Variants in ARHGEF4 observed in about 807,000 individuals in gnomAD.
ARHGEF4 encodes APC-stimulated guanine nucleotide exchange factor 1.
In ARHGEF4, 119 loss-of-function variants were observed where a neutral mutation model predicts 162.0. The observed-to-expected ratio is 0.73, with a 90% CI of 0.63 to 0.86. The LOEUF (loss-of-function observed/expected upper bound fraction) is 0.86, where lower values mean the gene tolerates loss of function less well. ARHGEF4 is among the 40% of genes least tolerant of loss of function. ARHGEF4 has a pLI of 0.00. For synonymous variants in ARHGEF4, 1,014 were observed against 979.9 expected (o/e 1.03, Z -0.65); for missense variants, 2,488 against 2,456.0 (o/e 1.01, Z -0.28).
intron 1 of ARHGEF4, among the ~76,000 whole-genome samples, chr2:130,892,838 C>T (rs984401198): frequency 1.3e-5 from 2 of 152,180 alleles, no homozygotes; most frequent in Non-Finnish European, 2.9e-5. Context: ...ATTCAGGGTG[C>T]AGCTTGGGGC....
intron 1 of ARHGEF4, among the ~76,000 whole-genome samples, chr2:130,897,789 G>A: frequency 6.6e-6 from 1 of 152,176 alleles, no homozygotes; most frequent in East Asian, 1.9e-4. Flanking sequence ...GACTCTTCCA[G>A]AAAAGTCTTT....
chr2:131,035,180 C>T, intron 5 of ARHGEF4: 2 of 1,221,278 alleles, frequency 1.6e-6, no homozygotes, highest in Non-Finnish European at 2.0e-6. Flanking sequence ...CCCCCCGGCG[C>T]CCAGCGCGTG....
chr2:130,891,886 G>A (rs182945095), intron 1 of ARHGEF4, among the ~76,000 whole-genome samples: 104 of 152,286 alleles, frequency 6.8e-4, no homozygotes, highest in African/African-American at 2.2e-3. Flanking sequence ...AGCAGCCATC[G>A]ATAATACACA....
intron 1 of ARHGEF4, among the ~76,000 whole-genome samples, chr2:130,900,597 G>A (rs947619744): frequency 2.6e-5 from 4 of 152,152 alleles, no homozygotes; most frequent in African/African-American, 9.6e-5. Context: ...TTTGTTTCAA[G>A]GATATTGATA....
intron 4 of ARHGEF4, among the ~76,000 whole-genome samples, chr2:130,986,563 A>T (rs1355619073): frequency 6.6e-6 from 1 of 152,138 alleles, no homozygotes; most frequent in Non-Finnish European, 1.5e-5. Flanking sequence ...GTGGAAAGGG[A>T]TCTGCGCCGC....
Position 130,930,836 on chromosome 2 carries a change from A to T in ARHGEF4, c.3553-116A>T, listed in dbSNP as rs768079125. On this transcript the variant is annotated intron_variant, in intron 2 of 13. Coordinates refer to ENST00000409359, the MANE Select transcript of ARHGEF4 (RefSeq NM_001367493.1). ...ATTTCACTGGACTCTGTACTTTGAAAATTAACCAAAACATAGTGTTATACC... is the reference window on the plus strand; with the variant it reads ...ATTTCACTGGACTCTGTACTTTGAATATTAACCAAAACATAGTGTTATACC... 5.3e-4 allele frequency: 529 copies of T among 1,003,554 alleles called. 1 individual carries two copies. Among genetic ancestry groups the T allele is most frequent in the Non-Finnish European group, 7.2e-4 (508 of 709,936 alleles). 62.2% of individuals were successfully genotyped at this position (1,003,554 alleles called of 1,614,324 possible).
intron 4 of ARHGEF4, among the ~76,000 whole-genome samples, chr2:130,960,203 T>C (rs977311901): frequency 2.0e-5 from 3 of 152,142 alleles, no homozygotes; most frequent in Non-Finnish European, 4.4e-5. Context: ...CCTAGGATAT[T>C]ACTGTACACT....
At chr2:130,845,781 G>A (rs1293695480) in intron 1 of ARHGEF4, among the ~76,000 whole-genome samples, 1 of 152,248 alleles carries the variant, frequency 6.6e-6, no homozygotes, top group Non-Finnish European at 1.5e-5. Flanking sequence ...CACTAGGAGG[G>A]AGGGAACTGC....
chr2:130,937,031 C>T (rs548936377), intron 3 of ARHGEF4, among the ~76,000 whole-genome samples: 2 of 151,400 alleles, frequency 1.3e-5, no homozygotes, highest in South Asian at 4.2e-4. Context: ...CCTCAGCCTC[C>T]CAAGTAGCTG....
intron 1 of ARHGEF4, among the ~76,000 whole-genome samples, chr2:130,854,762 C>T (rs185049705): frequency 4.8e-4 from 73 of 152,246 alleles, no homozygotes; most frequent in African/African-American, 1.8e-3. Flanking sequence ...AAAAGCAGGC[C>T]CCCACCCCCA....
At chr2:130,935,372 T>C (rs988329994) in intron 3 of ARHGEF4, among the ~76,000 whole-genome samples, 1 of 152,138 alleles carries the variant, frequency 6.6e-6, no homozygotes, top group African/African-American at 2.4e-5. Flanking sequence ...TTAATGTGTC[T>C]CTACTTTCAT....
rs1559039010 is a variant in ARHGEF4 at position 130,917,352 on chromosome 2, C to G, written c.3406C>G (p.Pro1136Ala). 7 of 1,550,556 alleles carry G rather than the reference C, an allele frequency of 4.5e-6. No homozygotes were observed. Among genetic ancestry groups the G allele is most frequent in the Non-Finnish European group, 6.1e-6 (7 of 1,146,998 alleles). ...VDSSSGDPERPKIPKGQTSFL... is the reference protein window; with the variant it reads ...VDSSSGDPERAKIPKGQTSFL... ...CAGCAGTTCAGGGGACCCTGAAAGA[C>G]CCAAGATTCCCAAGGGCCAGACCAG... Residue 1136 changes from proline to alanine, a missense_variant, in exon 2 of 14, where the codon CCC becomes GCC. Coordinates refer to ENST00000409359, the MANE Select transcript of ARHGEF4 (RefSeq NM_001367493.1).
chr2:130,970,587 CAAAAAAA>C (rs57254908), intron 4 of ARHGEF4, among the ~76,000 whole-genome samples: 3 of 116,948 alleles, frequency 2.6e-5, no homozygotes, highest in African/African-American at 3.2e-5. Context: ...GAAACTCCAT[CAAAAAAA>C]AAAAAAAAAA....
chr2:130,968,725 C>T (rs1345650851), intron 4 of ARHGEF4, among the ~76,000 whole-genome samples: 2 of 152,062 alleles, frequency 1.3e-5, no homozygotes, highest in Admixed American at 6.6e-5. Context: ...TGAGACCAGC[C>T]CGGCCAAAAT....
At chr2:130,903,578 G>A (rs1320334321) in intron 1 of ARHGEF4, among the ~76,000 whole-genome samples, 1 of 152,124 alleles carries the variant, frequency 6.6e-6, no homozygotes, top group Non-Finnish European at 1.5e-5. Context: ...TAAGATCCAA[G>A]CTGTACATGT....
intron 4 of ARHGEF4, among the ~76,000 whole-genome samples, chr2:130,984,032 GCGTACACA>G (rs1283502027): frequency 1.3e-5 from 2 of 152,154 alleles, no homozygotes; most frequent in Non-Finnish European, 2.9e-5. Context: ...ATATAGATAT[GCGTACACA>G]CACAAAGATC....
Position 131,044,652 on chromosome 2 carries a change from G to T in ARHGEF4, c.5401+110G>T, listed in dbSNP as rs971684972. 3.6e-6 allele frequency: 5 copies of T among 1,406,064 alleles called. No individual in the cohort carries two copies. The African/African-American group carries it at 7.2e-5, about 20-fold the overall frequency. The allele number at this position is 1,406,064 out of a possible 1,614,324, so 87.1% of individuals were successfully genotyped here. ...GCCGCTCAGCCCTCTCAGGTTGCAG[G>T]GTGTAGCAAGGCTCCAGGCACCTCT... On this transcript the variant is annotated intron_variant, in intron 12 of 13. Coordinates refer to ENST00000409359, the MANE Select transcript of ARHGEF4 (RefSeq NM_001367493.1).
At chr2:130,975,347 C>T (rs886225242) in intron 4 of ARHGEF4, among the ~76,000 whole-genome samples, 2 of 152,110 alleles carry the variant, frequency 1.3e-5, no homozygotes, top group Non-Finnish European at 2.9e-5. Context: ...CAGCAGACAC[C>T]CACCTGAGAG....
chr2:131,033,761 C>T (rs1337086359), intron 5 of ARHGEF4, among the ~76,000 whole-genome samples: 1 of 152,148 alleles, frequency 6.6e-6, no homozygotes, highest in Non-Finnish European at 1.5e-5. Flanking sequence ...GTACACCAGG[C>T]GGATGGGCCC....
Sources: gnomAD v4.1 joint callset for allele counts (sites outside exome capture counted in the v4.1 genomes callset) on GRCh38, gnomAD v4.1.1 for gene constraint, MANE v1.5 for transcripts, NCBI Gene and HGNC (gene_info 2026-07-23, HGNC 2026-07-21) for gene names.